ZCCHC8: variants seen among roughly 807,000 people sequenced by gnomAD.
The protein encoded by ZCCHC8 is zinc finger CCHC domain-containing protein 8.
In ZCCHC8, 27 loss-of-function variants were observed where a neutral mutation model predicts 70.6. The ratio of observed to expected loss-of-function variants is 0.38; its 90% confidence interval spans 0.28 to 0.53. The LOEUF (loss-of-function observed/expected upper bound fraction) is 0.53, where lower values mean the gene tolerates loss of function less well. Among genes scored for constraint, ZCCHC8 ranks in the 20% least tolerant of loss-of-function variants. The pLI, the probability that ZCCHC8 is intolerant of heterozygous loss-of-function variation, is 0.81. For missense variants in ZCCHC8, 737 were observed against 876.9 expected (o/e 0.84, Z 2.01); for synonymous variants, 293 against 317.4 (o/e 0.92, Z 0.82).
intron 13 of ZCCHC8, among the ~76,000 whole-genome samples, chr12:122,474,804 A>G (rs1485363147): frequency 2.8e-5 from 4 of 141,218 alleles, no homozygotes; most frequent in Admixed American, 7.7e-5. Context: ...GCACAATCTT[A>G]GCTCACTGTA....
chr12:122,489,567 C>T, intron 4 of ZCCHC8, 104 bp from the exon 5 acceptor site: 1 of 1,016,774 alleles, frequency 9.8e-7, no homozygotes, highest in Non-Finnish European at 1.5e-6. Context: ...TTATGAACGA[C>T]ATTTCATGTG....
Position 122,495,677 on chromosome 12 carries a change from G to A in ZCCHC8, c.243-2888C>T, listed in dbSNP as rs544701136. Among the ~76,000 whole-genome samples, 69 of 151,822 alleles carry A rather than the reference G, an allele frequency of 4.5e-4. 1 individual carries two copies. In the South Asian group the frequency reaches 0.011, roughly 24 times the overall value. On this transcript the variant is annotated intron_variant, in intron 2 of 13. Transcript: ENST00000633063. ...AGCCTGACCAACATGGTGAAACCCC[G>A]TCTCTACTAAAAATACAGAAATTAG...
Position 122,483,281 on chromosome 12 carries a change from T to C in ZCCHC8, c.669A>G (p.Lys223=), listed in dbSNP as rs1471907073. 6.3e-7 allele frequency: 1 copy of C among 1,594,066 alleles called. No individual in the cohort carries two copies. The highest frequency in any genetic ancestry group is 8.6e-7 in the Non-Finnish European group (1 of 1,169,034). The change falls in exon 7 of 14, where the codon AAA becomes AAG. Residue 223 remains lysine, a splice_region_variant and synonymous_variant. Transcript: ENST00000633063. This position sits in a 1 kb window ranked among gnomAD's most constrained non-coding sequence, Gnocchi z 4.4. The part of the protein sequence containing the change: ...LEGQEIQVKA[K]RPKPHCFNCG... Reference sequence around the variant, plus strand: ...ACAAAACAACTCCCCACACAAACCTTTTTGCCTTTACTTGTATTTCTTGCC... The same window carrying C: ...ACAAAACAACTCCCCACACAAACCTCTTTGCCTTTACTTGTATTTCTTGCC...
At chr12:122,496,223 A>C (rs2137371472) in intron 2 of ZCCHC8, among the ~76,000 whole-genome samples, 1 of 152,302 alleles carries the variant, frequency 6.6e-6, no homozygotes, top group Admixed American at 6.5e-5. Flanking sequence ...ACAGTTTCAA[A>C]AATAAGGACT....
chr12:122,495,847 CAAAAAAAAAAAAAAAAAAAA>C (rs538311699), intron 2 of ZCCHC8, among the ~76,000 whole-genome samples: 15 of 78,322 alleles, frequency 1.9e-4, no homozygotes, highest in Non-Finnish European at 2.4e-4. Context: ...CACTCTGTCT[CAAAAAAAAAAAAAAAAAAAA>C]AAAAAAAAAA....
intron 4 of ZCCHC8, 104 bp downstream of exon 4, chr12:122,490,358 G>A (rs1201673558): frequency 1.0e-5 from 9 of 866,768 alleles, no homozygotes; most frequent in East Asian, 5.3e-5. Context: ...AGTGGTAAAC[G>A]GTGTTAATCA....
chr12:122,475,045 A>C (rs546037758), intron 13 of ZCCHC8, among the ~76,000 whole-genome samples: 1 of 148,850 alleles, frequency 6.7e-6, no homozygotes, highest in East Asian at 2.0e-4. Context: ...TAATTGCCCA[A>C]TTTCCCAATT....
chr12:122,481,667 A>G lies in ZCCHC8; in HGVS notation c.876-3T>C. The G allele has an allele frequency of 6.2e-7, 1 of 1,608,992 alleles. No homozygotes were observed. The highest frequency in any genetic ancestry group is 8.5e-7 in the Non-Finnish European group (1 of 1,178,468). On this transcript the variant is annotated splice_region_variant and splice_polypyrimidine_tract_variant and intron_variant, in intron 9 of 13. Coordinates refer to ENST00000633063, the MANE Select transcript of ZCCHC8 (RefSeq NM_017612.5). ...CTAGTGCATCTTGAAGTTCCTCACT[A>G]AGTAAAAATAAAGGAGGAAGAAAAA...
intron 3 of ZCCHC8, chr12:122,491,990 C>G (rs1054290702): frequency 6.6e-6 from 1 of 152,290 alleles, no homozygotes; most frequent in African/African-American, 2.4e-5. Flanking sequence ...TATTTAGCAT[C>G]CAGCTTCCCA....
chr12:122,475,296 C>A (rs146442720), intron 13 of ZCCHC8, among the ~76,000 whole-genome samples: 1 of 152,064 alleles, frequency 6.6e-6, no homozygotes, highest in African/African-American at 2.4e-5. Flanking sequence ...CCGCCCACCT[C>A]GGCCTCCCAA....
At chr12:122,492,471 G>A (rs1957764752) in intron 3 of ZCCHC8, among the ~76,000 whole-genome samples, 1 of 152,154 alleles carries the variant, frequency 6.6e-6, no homozygotes, top group Admixed American at 6.5e-5. Flanking sequence ...TGAAGTAACG[G>A]ATGATGCAGC....
intron 2 of ZCCHC8, among the ~76,000 whole-genome samples, chr12:122,494,293 C>T (rs1351345015): frequency 6.6e-6 from 1 of 152,072 alleles, no homozygotes; most frequent in Non-Finnish European, 1.5e-5. Context: ...GTGGCTCATG[C>T]CTGTAATCCC....
Position 122,494,846 on chromosome 12 carries a change from C to A in ZCCHC8, c.243-2057G>T, listed in dbSNP as rs115061751. 5.2e-3 allele frequency among the ~76,000 whole-genome samples: 790 copies of A among 152,346 alleles called. 9 individuals are homozygous for A. The highest frequency in any genetic ancestry group is 0.018 in the African/African-American group (755 of 41,574). On this transcript the variant is annotated intron_variant, in intron 2 of 13. Coordinates refer to ENST00000633063, the MANE Select transcript of ZCCHC8 (RefSeq NM_017612.5). Reference sequence around the variant, plus strand: ...CTCCAGCCGGGGTGACAGAGCAACACGCTCGGCCAACCAGGGATGTTTTTA... The same window carrying A: ...CTCCAGCCGGGGTGACAGAGCAACAAGCTCGGCCAACCAGGGATGTTTTTA...
At chr12:122,492,632 G>A in intron 3 of ZCCHC8, 83 bp downstream of exon 3, 2 of 889,666 alleles carry the variant, frequency 2.2e-6, no homozygotes, top group South Asian at 1.6e-5. Flanking sequence ...AATGATATGA[G>A]TACAAATGAA....
At chr12:122,481,698 A>G (rs528243881) in intron 9 of ZCCHC8, 34 bp from the exon 10 acceptor site, 1 of 1,601,588 alleles carries the variant, frequency 6.2e-7, no homozygotes, top group East Asian at 2.2e-5. Context: ...AAAAATACTG[A>G]ATTCTTATTT....
At chr12:122,493,594 G>GTATTTT (rs1244126692) in intron 2 of ZCCHC8, among the ~76,000 whole-genome samples, 1 of 151,676 alleles carries the variant, frequency 6.6e-6, no homozygotes, top group Non-Finnish European at 1.5e-5. Context: ...GCTAATTTTT[G>GTATTTT]TATTTTTATT....
intron 13 of ZCCHC8, 125 bp from the exon 14 acceptor site, chr12:122,474,400 G>T: frequency 1.2e-6 from 1 of 848,096 alleles, no homozygotes. Context: ...TTAACATGAG[G>T]GAAATTCTGG....
At chr12:122,498,753 G>A (rs1395375315) in intron 2 of ZCCHC8, 74 bp downstream of exon 2, 15 of 1,442,706 alleles carry the variant, frequency 1.0e-5, no homozygotes, top group Admixed American at 3.6e-5. Context: ...TTTTTACAAC[G>A]AAATTCTGAT....
intron 11 of ZCCHC8, among the ~76,000 whole-genome samples, chr12:122,478,852 C>G (rs1428325462): frequency 6.6e-6 from 1 of 152,130 alleles, no homozygotes; most frequent in Non-Finnish European, 1.5e-5. Flanking sequence ...GGGTGGGACT[C>G]AAGAATGTAC....
Sources: gnomAD v4.1 joint callset for allele counts (sites outside exome capture counted in the v4.1 genomes callset) on GRCh38, gnomAD v4.1.1 for gene constraint, Gnocchi (gnomAD v3.1) non-coding constraint, MANE v1.5 for transcripts, NCBI Gene and HGNC (gene_info 2026-07-23, HGNC 2026-07-21) for gene names.